Variants in AVEN observed in about 807,000 individuals in gnomAD.
AVEN encodes the protein cell death regulator Aven.
Under a neutral mutation model 38.1 loss-of-function variants are expected in AVEN, and 41 were observed. The ratio of observed to expected loss-of-function variants is 1.08; its 90% CI spans 0.84 to 1.40. AVEN has a LOEUF of 1.40. Among genes scored for constraint, AVEN ranks in the 40% most tolerant of loss-of-function variants. The probability of loss-of-function intolerance (pLI) is 0.00; values close to 1 mark genes in which losing one functional copy is unlikely to be tolerated. For missense variants in AVEN, 605 were observed against 438.8 expected, an observed-to-expected ratio of 1.38 and a Z score of -3.38; for synonymous variants, 206 against 171.8, an observed-to-expected ratio of 1.20 and a Z score of -1.56.
chr15:33,934,780 T>A (rs1893996961), intron 2 of AVEN, among the ~76,000 whole-genome samples: 1 of 152,196 alleles, frequency 6.6e-6, no homozygotes, highest in Non-Finnish European at 1.5e-5. Context: ...GGCTACAGAA[T>A]CAGGTAGATA....
chr15:33,871,613 T>C (rs1210352688), intron 3 of AVEN, among the ~76,000 whole-genome samples: 1 of 152,132 alleles, frequency 6.6e-6, no homozygotes, highest in Non-Finnish European at 1.5e-5. Flanking sequence ...GTGGAGGCTT[T>C]TGCAATGACT....
In AVEN at chr15:33,867,813, TTC is replaced by T; in HGVS notation, c.653_654del (p.Arg218AsnfsTer2). ...PLEVPQVKPK[R>X]TDDGKGLGMQ... Reference sequence around the variant, plus strand: ...ATCCCTAATCCCTTGCCATCATCAGTTCTCTTTGGTTTCACCTGAGGAACCTC... The same window carrying T: ...ATCCCTAATCCCTTGCCATCATCAGTTCTTTGGTTTCACCTGAGGAACCTC... On this transcript the variant is annotated frameshift_variant, in exon 5 of 6. Transcript: ENST00000306730. LOFTEE classifies it high-confidence loss of function. The T allele has an allele frequency of 6.2e-7, 1 of 1,606,852 alleles. No individual in the cohort carries two copies. The highest frequency in any genetic ancestry group is 8.5e-7 in the Non-Finnish European group (1 of 1,177,906).
Position 33,866,565 on chromosome 15 carries a change from C to G in AVEN, c.*48G>C. 6 of 1,438,408 alleles carry G rather than the reference C, an allele frequency of 4.2e-6. No individual in the cohort carries two copies. The highest frequency in any genetic ancestry group is 5.9e-6 in the Non-Finnish European group (6 of 1,023,452). 89.1% of individuals were successfully genotyped at this position (1,438,408 alleles called of 1,614,324 possible). A position where few individuals can be genotyped will look rare whatever the true frequency, so the allele number is the denominator to read the frequency against. Reference sequence around the variant, plus strand: ...TGAAGGACAGCCTTATGCCCACCTGCCGTTAGAAGGCAACCAAGATTTGCT... The same window carrying G: ...TGAAGGACAGCCTTATGCCCACCTGGCGTTAGAAGGCAACCAAGATTTGCT... On this transcript the variant is annotated 3_prime_UTR_variant, in exon 6 of 6. Transcript: ENST00000306730.
intron 2 of AVEN, among the ~76,000 whole-genome samples, chr15:33,961,718 C>G (rs1020997131): frequency 7.6e-5 from 11 of 144,272 alleles, no homozygotes; most frequent in Non-Finnish European, 1.2e-4. Flanking sequence ...GAGGCTGAGG[C>G]AGGAGAATGG....
chr15:34,032,211 C>T (rs573508793), intron 1 of AVEN, among the ~76,000 whole-genome samples: 1 of 152,254 alleles, frequency 6.6e-6, no homozygotes, highest in African/African-American at 2.4e-5. Context: ...TAGAAAACAC[C>T]TTTGCAACCA....
intron 2 of AVEN, among the ~76,000 whole-genome samples, chr15:33,968,363 T>C (rs954020754): frequency 6.6e-6 from 1 of 152,076 alleles, no homozygotes; most frequent in Non-Finnish European, 1.5e-5. Context: ...ACGAATATCA[T>C]CATCTGCTCC....
At chr15:34,069,148 G>A (rs1031886842) in intron 2 of AVEN, among the ~76,000 whole-genome samples, 8 of 151,942 alleles carry the variant, frequency 5.3e-5, no homozygotes, top group Non-Finnish European at 1.0e-4. Context: ...TCGGCTGGGC[G>A]CGGTGGCTCA....
chr15:33,882,972 G>C (rs955991157), intron 2 of AVEN, among the ~76,000 whole-genome samples: 1 of 152,172 alleles, frequency 6.6e-6, no homozygotes, highest in Non-Finnish European at 1.5e-5. Flanking sequence ...AAAATATTCA[G>C]AAAGAATGTT....
chr15:33,852,374 G>C, the AVEN span: 4 of 152,224 alleles, frequency 2.6e-5, no homozygotes, highest in African/African-American at 9.6e-5. Context: ...AGTGGAGCTG[G>C]TACAAGCTAC....
chr15:33,853,639 C>G, the AVEN span: 1 of 1,613,886 alleles, frequency 6.2e-7, no homozygotes, highest in Non-Finnish European at 8.5e-7. Flanking sequence ...TGACTTTAGC[C>G]CAGTAGAAGA....
chr15:34,072,351 G>T (rs184143390), intron 1 of AVEN, among the ~76,000 whole-genome samples: 1 of 152,002 alleles, frequency 6.6e-6, no homozygotes, highest in African/African-American at 2.4e-5. Context: ...AGTGGCTCAA[G>T]CCTGTAATCC....
At chr15:33,919,741 T>C (rs1893317423) in intron 2 of AVEN, among the ~76,000 whole-genome samples, 1 of 152,238 alleles carries the variant, frequency 6.6e-6, no homozygotes, top group Non-Finnish European at 1.5e-5. Flanking sequence ...ACACACATTA[T>C]TTAACTGATA....
chr15:34,023,145 C>A (rs1338113521), intron 1 of AVEN, among the ~76,000 whole-genome samples: 1 of 151,960 alleles, frequency 6.6e-6, no homozygotes, highest in Non-Finnish European at 1.5e-5. Context: ...CGCGCCACTG[C>A]GCTCCAGCCT....
At chr15:33,899,593 C>T (rs903711937) in intron 2 of AVEN, among the ~76,000 whole-genome samples, 1 of 150,216 alleles carries the variant, frequency 6.7e-6, no homozygotes, top group African/African-American at 2.5e-5. Context: ...CTCAGCCTCC[C>T]GAGTAGCTGG....
intron 1 of AVEN, among the ~76,000 whole-genome samples, chr15:34,024,000 A>T (rs1898326731): frequency 6.6e-6 from 1 of 152,224 alleles, no homozygotes; most frequent in Non-Finnish European, 1.5e-5. Context: ...ACTGGTTTTA[A>T]TCGTAACAGG....
At chr15:34,073,207 A>ATTTTTTTTTTTTTTTT (rs761265891) in intron 1 of AVEN, among the ~76,000 whole-genome samples, 1 of 111,874 alleles carries the variant, frequency 8.9e-6, no homozygotes, top group Non-Finnish European at 1.7e-5. Context: ...CGCCCGGCTA[A>ATTTTTTTTTTTTTTTT]TTTTTTTTTT....
intron 5 of AVEN, among the ~76,000 whole-genome samples, chr15:34,057,791 G>T (rs763162783): frequency 1.3e-5 from 2 of 152,114 alleles, no homozygotes; most frequent in Non-Finnish European, 2.9e-5. Context: ...GCAAGACCTT[G>T]TTTCTAATAA....
chr15:33,854,989 A>G, downstream of AVEN: 4 of 1,334,656 alleles, frequency 3.0e-6, no homozygotes, highest in Non-Finnish European at 4.0e-6. Flanking sequence ...AGTATACAGT[A>G]TATGACAGGA....
chr15:34,053,319 A>AATATATATAT (rs71119922), intron 5 of AVEN, among the ~76,000 whole-genome samples: 139 of 42,058 alleles, frequency 3.3e-3, no homozygotes, highest in Non-Finnish European at 4.6e-3. Flanking sequence ...AAAAAAAAAA[A>AATATATATAT]ATATATATAT....
Sources: allele counts gnomAD v4.1 joint callset (sites outside exome capture counted in the v4.1 genomes callset), GRCh38; gene constraint gnomAD v4.1.1; transcripts MANE v1.5; gene names NCBI Gene and HGNC (gene_info 2026-07-23, HGNC 2026-07-21).